The following SPIRE1 variants were observed in gnomAD, a reference collection of about 807,000 sequenced individuals.
SPIRE1 encodes spire type actin nucleation factor 1, also known as protein spire homolog 1.
Under a neutral mutation model 94.1 loss-of-function variants are expected in SPIRE1, and 40 were observed. The observed-to-expected ratio is 0.43, with a 90% CI of 0.33 to 0.55. The LOEUF (loss-of-function observed/expected upper bound fraction) is 0.55. SPIRE1 is among the 20% of genes least tolerant of loss of function. The pLI, the probability that SPIRE1 is intolerant of heterozygous loss-of-function variation, is 0.06. For missense variants in SPIRE1, 838 were observed against 975.2 expected, an observed-to-expected ratio of 0.86 and a Z score of 1.87; for synonymous variants, 376 against 371.7, an observed-to-expected ratio of 1.01 and a Z score of -0.13.
chr18:12,477,637 T>C (rs1199651133), intron 10 of SPIRE1, among the ~76,000 whole-genome samples: 1 of 151,892 alleles, frequency 6.6e-6, no homozygotes, highest in Non-Finnish European at 1.5e-5. Flanking sequence ...AGTGTTCCAG[T>C]GAAACAGAGG....
At chr18:12,537,732 A>T (rs557862523) in intron 3 of SPIRE1, among the ~76,000 whole-genome samples, 1 of 152,344 alleles carries the variant, frequency 6.6e-6, no homozygotes, top group South Asian at 2.1e-4. Context: ...CAATTGGATA[A>T]TGAGGTCAAG....
chr18:12,657,507 G>A (rs1009465314), intron 1 of SPIRE1, 23 bp downstream of exon 1: 2 of 1,229,460 alleles, frequency 1.6e-6, no homozygotes, highest in Non-Finnish European at 2.0e-6. Flanking sequence ...GAACTACGAG[G>A]GAAAGGGGCC....
chr18:12,570,910 C>T (rs908222672), intron 2 of SPIRE1, among the ~76,000 whole-genome samples: 1 of 152,144 alleles, frequency 6.6e-6, no homozygotes, highest in African/African-American at 2.4e-5. Flanking sequence ...AAATTATCAA[C>T]CCTTTGGGTT....
intron 4 of SPIRE1, among the ~76,000 whole-genome samples, chr18:12,529,465 GA>G (rs1354394419): frequency 6.6e-6 from 1 of 151,998 alleles, no homozygotes; most frequent in Non-Finnish European, 1.5e-5. Context: ...GGGTGTGAGT[GA>G]AAAAATCATA....
intron 2 of SPIRE1, among the ~76,000 whole-genome samples, chr18:12,602,913 T>G (rs2036876669): frequency 6.6e-6 from 1 of 152,224 alleles, no homozygotes; most frequent in Non-Finnish European, 1.5e-5. Context: ...TCTATGGACA[T>G]CAGGTGAAGA....
chr18:12,471,066 A>C (rs2032338754), intron 10 of SPIRE1, among the ~76,000 whole-genome samples: 1 of 150,888 alleles, frequency 6.6e-6, no homozygotes, highest in African/African-American at 2.5e-5. Context: ...TCCTACTGGA[A>C]GCTTTGATAT....
In SPIRE1 at chr18:12,496,018, G is replaced by A. The variant is rs1390276477; in HGVS notation, c.1057C>T (p.Pro353Ser). 6.2e-7 allele frequency: 1 copy of A among 1,603,580 alleles called. No individual in the cohort carries two copies. Among genetic ancestry groups the A allele is most frequent in the Non-Finnish European group, 8.5e-7 (1 of 1,170,430 alleles). Reference sequence around the variant, plus strand: ...GAGAACTATGTCGAATTACATACTGGATTTAAAGGAGGTCTGGATCTGATG... The same window carrying A: ...GAGAACTATGTCGAATTACATACTGAATTTAAAGGAGGTCTGGATCTGATG... ...DFIRSRPPLN[P>S]VSARKLKPTP... Residue 353 changes from proline (P) to serine (S), a missense_variant and splice_region_variant, in exon 7 of 17, where the codon CCA becomes TCA. Transcript: ENST00000409402.
At chr18:12,569,336 G>A (rs755378162) in intron 2 of SPIRE1, among the ~76,000 whole-genome samples, 26 of 101,188 alleles carry the variant, frequency 2.6e-4, no homozygotes, top group East Asian at 1.2e-3. Flanking sequence ...GTGAGACTCC[G>A]TCTCAAAAAA....
chr18:12,513,819 G>A (rs926131160), intron 4 of SPIRE1, among the ~76,000 whole-genome samples: 3 of 151,628 alleles, frequency 2.0e-5, no homozygotes, highest in East Asian at 3.9e-4. Flanking sequence ...CACTGCTCCC[G>A]GTCTGAAATA....
At chr18:12,652,925 T>A (rs1292342755) in intron 1 of SPIRE1, 1 of 152,216 alleles carries the variant, frequency 6.6e-6, no homozygotes, top group Admixed American at 6.5e-5. Context: ...GTGATACTGC[T>A]GGTACTGGCA....
chr18:12,554,253 G>A (rs2035436298), intron 2 of SPIRE1, among the ~76,000 whole-genome samples: 2 of 141,842 alleles, frequency 1.4e-5, no homozygotes, highest in Non-Finnish European at 3.0e-5. Flanking sequence ...AGCTGAGATT[G>A]CACCACTGCA....
chr18:12,524,476 TG>T (rs1036780780), intron 4 of SPIRE1, among the ~76,000 whole-genome samples: 35 of 152,164 alleles, frequency 2.3e-4, no homozygotes, highest in African/African-American at 8.0e-4. Context: ...TTTATACTGA[TG>T]GGGGGAAAAA....
intron 3 of SPIRE1, among the ~76,000 whole-genome samples, chr18:12,540,142 A>C (rs2034972489): frequency 6.6e-6 from 1 of 151,978 alleles, no homozygotes; most frequent in African/African-American, 2.4e-5. Flanking sequence ...CTGAACTTAA[A>C]ACCCAAACTC....
chr18:12,535,091 C>T (rs117473474), intron 4 of SPIRE1, among the ~76,000 whole-genome samples: 566 of 152,300 alleles, frequency 3.7e-3, no homozygotes, highest in Non-Finnish European at 6.6e-3. Context: ...AGTGTCACCT[C>T]TTTTCTGAGC....
intron 2 of SPIRE1, among the ~76,000 whole-genome samples, chr18:12,566,688 A>G (rs1322959624): frequency 1.3e-5 from 2 of 152,156 alleles, no homozygotes; most frequent in Non-Finnish European, 2.9e-5. Flanking sequence ...AAGAAACTCA[A>G]TAAAAGAATA....
chr18:12,604,696 CAA>C (rs1455979971), intron 2 of SPIRE1, among the ~76,000 whole-genome samples: 1 of 152,002 alleles, frequency 6.6e-6, no homozygotes, highest in Non-Finnish European at 1.5e-5. Flanking sequence ...AAAAAAACAC[CAA>C]GTCTCACTTA....
intron 16 of SPIRE1, chr18:12,450,431 G>A (rs556888236): frequency 5.0e-4 from 228 of 460,422 alleles, no homozygotes; most frequent in Non-Finnish European, 7.2e-4. Context: ...CCAGACTATC[G>A]AACAATACAG....
At chr18:12,450,212 A>G (rs1253713272) in intron 16 of SPIRE1, among the ~76,000 whole-genome samples, 1 of 149,330 alleles carries the variant, frequency 6.7e-6, no homozygotes, top group Non-Finnish European at 1.5e-5. Context: ...AAAAAAAAAT[A>G]GCCAGGCATG....
intron 2 of SPIRE1, among the ~76,000 whole-genome samples, chr18:12,624,781 G>A (rs1186971070): frequency 2.0e-5 from 3 of 147,732 alleles, no homozygotes; most frequent in Non-Finnish European, 4.4e-5. Context: ...GCAGTGAGCC[G>A]AGATCACGCC....
Sources: gnomAD v4.1 joint callset for allele counts (sites outside exome capture counted in the v4.1 genomes callset) on GRCh38, gnomAD v4.1.1 for gene constraint, MANE v1.5 for transcripts, NCBI Gene and HGNC (gene_info 2026-07-23, HGNC 2026-07-21) for gene names.